The following SLC7A8 variants were observed in gnomAD, a reference collection of about 807,000 sequenced individuals.
SLC7A8 encodes solute carrier family 7 member 8.
A neutral mutation model predicts 51.2 loss-of-function variants in SLC7A8; 30 were observed. That is an observed-to-expected ratio of 0.59 (90% CI 0.44 to 0.80). SLC7A8 has a LOEUF of 0.80. Among genes scored for constraint, SLC7A8 ranks in the 30% least tolerant of loss-of-function variants. The probability of loss-of-function intolerance (pLI) is 0.00; values close to 1 mark genes in which losing one functional copy is unlikely to be tolerated. For synonymous variants in SLC7A8, 257 were observed against 275.8 expected (o/e 0.93, Z 0.67); for missense variants, 612 against 674.4 (o/e 0.91, Z 1.03).
At chr14:23,160,496 G>A (rs550144443) in intron 3 of SLC7A8, among the ~76,000 whole-genome samples, 73 of 151,708 alleles carry the variant, frequency 4.8e-4, no homozygotes, top group South Asian at 2.3e-3. Flanking sequence ...GCGTGAACCC[G>A]GGAGGCAGAG....
chr14:23,132,108 A>G (rs1417599583), intron 7 of SLC7A8, among the ~76,000 whole-genome samples: 2 of 148,130 alleles, frequency 1.4e-5, no homozygotes, highest in African/African-American at 5.0e-5. Context: ...AGGTTTAAGC[A>G]ATTCTCTGCC....
chr14:23,175,282 C>T (rs1484267813), intron 1 of SLC7A8, among the ~76,000 whole-genome samples: 2 of 152,168 alleles, frequency 1.3e-5, no homozygotes, highest in Non-Finnish European at 2.9e-5. Flanking sequence ...CAACTTGGCT[C>T]ACTGCAACCT....
rs919235347 is a variant in SLC7A8 at position 23,144,354 on chromosome 14, T to A, written c.509-1150A>T. 6.6e-5 allele frequency among the ~76,000 whole-genome samples: 10 copies of A among 151,296 alleles called. No individual in the cohort carries two copies. In the South Asian group the frequency reaches 1.9e-3, roughly 28 times the overall value. On this transcript the variant is annotated intron_variant, in intron 3 of 10. Transcript: ENST00000316902. ...AGTTTAAACACAATTTTTTTTTTTTTTTTTTTTTTGGCTAATAGGCATGTA... is the reference window on the plus strand; with the variant it reads ...AGTTTAAACACAATTTTTTTTTTTTATTTTTTTTTGGCTAATAGGCATGTA...
chr14:23,147,540 G>A (rs1157119048), intron 3 of SLC7A8, among the ~76,000 whole-genome samples: 1 of 152,178 alleles, frequency 6.6e-6, no homozygotes, highest in Non-Finnish European at 1.5e-5. Context: ...GGTCCAACTG[G>A]ACAAAATAAA....
intron 1 of SLC7A8, among the ~76,000 whole-genome samples, chr14:23,175,240 T>G (rs898513751): frequency 3.3e-5 from 5 of 152,156 alleles, no homozygotes; most frequent in Non-Finnish European, 7.4e-5. Context: ...TTGTTGTTGT[T>G]TTGAGACAGA....
chr14:23,167,549 G>T (rs904821000), intron 1 of SLC7A8, among the ~76,000 whole-genome samples: 32 of 152,060 alleles, frequency 2.1e-4, no homozygotes, highest in Non-Finnish European at 4.1e-4. Context: ...TGAATGGCTA[G>T]CTGCTGGGTT....
Position 23,182,934 on chromosome 14 carries a change from AC to A in SLC7A8, c.-21del. ...TTCCATCCTTCTCAGTAGGATTGCA[AC>A]CTCAAAAGCTGCCTCCCTTTCTAAA... On this transcript the variant is annotated 5_prime_UTR_variant, in exon 1 of 11. Transcript: ENST00000316902. 5 of 1,613,978 alleles carry A rather than the reference AC, an allele frequency of 3.1e-6. No individual in the cohort carries two copies. Among genetic ancestry groups the A allele is most frequent in the Non-Finnish European group, 4.2e-6 (5 of 1,179,976 alleles).
chr14:23,128,116 CACCACCGGCTCTG>C lies in SLC7A8; in HGVS notation c.1331_1343del (p.Ser444CysfsTer10), dbSNP rs1196614909. 6.2e-7 allele frequency: 1 copy of C among 1,614,238 alleles called. No individual in the cohort carries two copies. Among genetic ancestry groups the C allele is most frequent in the Admixed American group, 1.7e-5 (1 of 60,036 alleles). On this transcript the variant is annotated frameshift_variant, in exon 10 of 11. Transcript: ENST00000316902. LOFTEE classifies it high-confidence loss of function. The surrounding 1 kb of genome is among the most constrained non-coding windows in gnomAD (Gnocchi z 4.3). ...GCATGATGGCCAGGCCAATGCCACA[CACCACCGGCTCTG>C]ACCACAGGCTGAAGACCAGCAGGAA... is the stretch of plus-strand genomic sequence containing the variant.
At chr14:23,175,721 C>G (rs1018071701) in intron 1 of SLC7A8, among the ~76,000 whole-genome samples, 1 of 152,174 alleles carries the variant, frequency 6.6e-6, no homozygotes, top group Admixed American at 6.5e-5. Flanking sequence ...CTCTCTGGTT[C>G]CTGGAGTCAG....
Position 23,131,447 on chromosome 14 carries a change from G to A in SLC7A8, c.1113+14C>T. On this transcript the variant is annotated intron_variant, in intron 8 of 10. Transcript: ENST00000316902. ...GGGAGGTGTGTGGAGAGTTACAGCA[G>A]GAAGGGCCCTTACTGTGAAGAGCAG... The A allele has an allele frequency of 6.4e-7, 1 of 1,564,792 alleles. No homozygotes were observed. Among genetic ancestry groups the A allele is most frequent in the Non-Finnish European group, 8.7e-7 (1 of 1,155,464 alleles).
rs578181042 is a variant in SLC7A8 at position 23,127,009 on chromosome 14, A to T, written c.*168T>A. ...GTGAGAGGCTGGTTCTTTGGGTATG[A>T]ATGTCAGTTTTTGTTTACAATTTCT... On this transcript the variant is annotated 3_prime_UTR_variant, in exon 11 of 11. Coordinates refer to ENST00000316902, the MANE Select transcript of SLC7A8 (RefSeq NM_012244.4). 10 of 788,890 alleles carry T rather than the reference A, an allele frequency of 1.3e-5. No individual in the cohort carries two copies. In the African/African-American group the frequency reaches 1.6e-4, roughly 12 times the overall value. 48.9% of individuals were successfully genotyped at this position (788,890 alleles called of 1,614,324 possible).
chr14:23,143,104 G>T lies in SLC7A8; in HGVS notation c.609C>A (p.Ile203=), dbSNP rs2048760231. Residue 203 remains isoleucine, a synonymous_variant, in exon 4 of 11, where the codon ATC becomes ATA. Coordinates refer to ENST00000316902, the MANE Select transcript of SLC7A8 (RefSeq NM_012244.4). Reference sequence around the variant, plus strand: ...CTTTGCATATCTGTACAATCCCCATGATGATAATCAGGGCCAAGGCCAGGA... The same window carrying T: ...CTTTGCATATCTGTACAATCCCCATTATGATAATCAGGGCCAAGGCCAGGA... ...GKLLALALII[I]MGIVQICKGE... The T allele has an allele frequency of 6.2e-7, 1 of 1,614,196 alleles. No homozygotes were observed. The highest frequency in any genetic ancestry group is 2.2e-5 in the East Asian group (1 of 44,880).
rs1017411686 is a variant in SLC7A8 at position 23,164,762 on chromosome 14, C to A, written c.508+523G>T. 4.6e-5 allele frequency among the ~76,000 whole-genome samples: 7 copies of A among 152,130 alleles called. No homozygotes were observed. The South Asian group carries it at 1.5e-3, about 32-fold the overall frequency. On this transcript the variant is annotated intron_variant, in intron 3 of 10. Transcript: ENST00000316902. Reference sequence around the variant, plus strand: ...ATCCCAGCACTTTGGGAGGCCAAGGCGGGCGGATCACTTGAGGTCAGGAGT... The same window carrying A: ...ATCCCAGCACTTTGGGAGGCCAAGGAGGGCGGATCACTTGAGGTCAGGAGT...
intron 1 of SLC7A8, among the ~76,000 whole-genome samples, chr14:23,175,451 C>T (rs2048994914): frequency 6.6e-6 from 1 of 152,170 alleles, no homozygotes. Context: ...TCAAGTGATC[C>T]ACCCACCTTG....
At chr14:23,174,768 G>T (rs1242589524) in intron 1 of SLC7A8, among the ~76,000 whole-genome samples, 1 of 152,212 alleles carries the variant, frequency 6.6e-6, no homozygotes, top group Non-Finnish European at 1.5e-5. Context: ...CAGGGAGAAG[G>T]GATCTGGGGG....
chr14:23,126,846 T>C lies in SLC7A8; in HGVS notation c.*331A>G. ...GCCTCCCTGGGAGGGAAGGCAGTAA[T>C]GAGCTCCGGTTCCTGAAGAGGCAGC... is the stretch of plus-strand genomic sequence containing the variant. On this transcript the variant is annotated 3_prime_UTR_variant, in exon 11 of 11. Coordinates refer to ENST00000316902, the MANE Select transcript of SLC7A8 (RefSeq NM_012244.4). 1 of 360,048 alleles carries C rather than the reference T, an allele frequency of 2.8e-6. No individual in the cohort carries two copies. Among genetic ancestry groups the C allele is most frequent in the Non-Finnish European group, 5.2e-6 (1 of 191,520 alleles). The allele number at this position is 360,048 out of a possible 1,614,324, so 22.3% of individuals were successfully genotyped here.
chr14:23,142,222 G>A (rs564968234), intron 4 of SLC7A8, among the ~76,000 whole-genome samples: 11 of 152,164 alleles, frequency 7.2e-5, no homozygotes, highest in East Asian at 1.9e-4. Context: ...GACTTTCTCC[G>A]TGAGGCAGTG....
chr14:23,143,242 G>T, intron 3 of SLC7A8, 38 bp from the exon 4 acceptor site: 4 of 1,609,420 alleles, frequency 2.5e-6, no homozygotes, highest in Non-Finnish European at 3.4e-6. Context: ...TTCAGGGGCT[G>T]TATCTGGCTG....
intron 8 of SLC7A8, 96 bp downstream of exon 8, chr14:23,131,365 G>A (rs45535038): frequency 4.0e-6 from 4 of 1,001,322 alleles, no homozygotes; most frequent in Non-Finnish European, 5.8e-6. Flanking sequence ...GACTGCAAGG[G>A]TAACAGGGGT....
Sources: allele counts gnomAD v4.1 joint callset (sites outside exome capture counted in the v4.1 genomes callset), GRCh38; gene constraint gnomAD v4.1.1; non-coding constraint Gnocchi (gnomAD v3.1); transcripts MANE v1.5; gene names NCBI Gene and HGNC (gene_info 2026-07-23, HGNC 2026-07-21).